The following OPA1 variants were observed in gnomAD, a reference collection of about 807,000 sequenced individuals.
The protein encoded by OPA1 is OPA1 mitochondrial dynamin like GTPase, also known as dynamin-like GTPase OPA1, mitochondrial.
OPA1 carries 59 observed loss-of-function variants against 152.9 expected under a neutral mutation model. That is an observed-to-expected ratio of 0.39 (90% CI 0.31 to 0.48). The LOEUF is 0.48. Among genes scored for constraint, OPA1 ranks in the 20% least tolerant of loss-of-function variants. OPA1 has a pLI of 0.96. For synonymous variants in OPA1, 400 were observed against 389.9 expected (o/e 1.03, Z -0.31); for missense variants, 1,008 against 1,216.8 (o/e 0.83, Z 2.55).
At chr3:193,614,471 A>G (rs190965715) in intron 1 of OPA1, among the ~76,000 whole-genome samples, 1 of 152,236 alleles carries the variant, frequency 6.6e-6, no homozygotes, top group East Asian at 1.9e-4. Flanking sequence ...TTTGCACCAC[A>G]TTTTCCTCAT....
intron 27 of OPA1, among the ~76,000 whole-genome samples, chr3:193,665,900 G>A (rs1716420854): frequency 6.6e-6 from 1 of 152,098 alleles, no homozygotes; most frequent in African/African-American, 2.4e-5. Flanking sequence ...TTTAAAAATG[G>A]CTTGAGTACA....
chr3:193,686,000 A>G (rs1313360562), intron 29 of OPA1, among the ~76,000 whole-genome samples: 2 of 152,192 alleles, frequency 1.3e-5, no homozygotes, highest in South Asian at 2.1e-4. Context: ...AATCATATCA[A>G]ATAATTGCCC....
intron 1 of OPA1, among the ~76,000 whole-genome samples, chr3:193,609,234 G>T (rs1727789168): frequency 6.6e-6 from 1 of 152,140 alleles, no homozygotes; most frequent in Non-Finnish European, 1.5e-5. Flanking sequence ...GTGTGAATTT[G>T]ATCCTGTCAT....
chr3:193,648,593 A>T, intron 20 of OPA1: 1 of 515,590 alleles, frequency 1.9e-6, no homozygotes, highest in Non-Finnish European at 3.5e-6. Flanking sequence ...GAGAAGGTAG[A>T]TATTTATGTC....
chr3:193,604,671 A>AC (rs1726954735), intron 1 of OPA1, among the ~76,000 whole-genome samples: 1 of 151,290 alleles, frequency 6.6e-6, no homozygotes, highest in Non-Finnish European at 1.5e-5. Context: ...GGACAGCCTG[A>AC]CCAACATGGA....
intron 21 of OPA1, among the ~76,000 whole-genome samples, chr3:193,654,205 G>A (rs1387605904): frequency 1.3e-5 from 2 of 152,164 alleles, no homozygotes; most frequent in Non-Finnish European, 2.9e-5. Flanking sequence ...ATAAAAAGAA[G>A]TGAAATATTG....
At chr3:193,611,410 A>G (rs1728216169) in intron 1 of OPA1, among the ~76,000 whole-genome samples, 1 of 152,082 alleles carries the variant, frequency 6.6e-6, no homozygotes. Context: ...CATCCTGGCT[A>G]AGATGGTGAA....
Position 193,645,774 on chromosome 3 carries a change from G to T in OPA1, c.1728G>T (p.Glu576Asp), listed in dbSNP as rs773284755. Reference protein sequence around the residue: ...SIEAIREYEEEFFQNSKLLKT... With the variant: ...SIEAIREYEEDFFQNSKLLKT... Reference sequence around the variant, plus strand: ...AAGCTATAAGAGAATATGAAGAAGAGTTTTTTCAGAATTCAAAGCTCCTAA... The same window carrying T: ...AAGCTATAAGAGAATATGAAGAAGATTTTTTTCAGAATTCAAAGCTCCTAA... Residue 576 changes from glutamate (E) to aspartate (D), a missense_variant, in exon 18 of 31, where the codon GAG (glutamate) becomes GAT (aspartate). By Grantham distance (45) the Glu-to-Asp change is conservative. Transcript: ENST00000361510. 1 of 1,613,394 alleles carries T rather than the reference G, an allele frequency of 6.2e-7. No homozygotes were observed.
Position 193,645,798 on chromosome 3 carries a change from A to G in OPA1, c.1752A>G (p.Leu584=), listed in dbSNP as rs557780821. 6.2e-6 allele frequency: 10 copies of G among 1,606,600 alleles called. No homozygotes were observed. Among genetic ancestry groups the G allele is most frequent in the Middle Eastern group, 1.7e-4 (1 of 6,048 alleles). ...EEEFFQNSKL[L]KTSMLKAHQV... ...AGTTTTTTCAGAATTCAAAGCTCCT[A>G]AAGTAGGTATCTTGTTAAAACATTT... The change falls in exon 18 of 31, where the codon CTA becomes CTG. Residue 584 remains leucine (L), a splice_region_variant and synonymous_variant. Transcript: ENST00000361510.
At chr3:193,603,799 A>C (rs926766381) in intron 1 of OPA1, among the ~76,000 whole-genome samples, 1 of 152,182 alleles carries the variant, frequency 6.6e-6, no homozygotes, top group Non-Finnish European at 1.5e-5. Flanking sequence ...CATAGGACCC[A>C]TCAACAAAAA....
intron 29 of OPA1, among the ~76,000 whole-genome samples, chr3:193,681,410 C>T (rs1720103766): frequency 6.6e-6 from 1 of 152,018 alleles, no homozygotes; most frequent in African/African-American, 2.4e-5. Context: ...ATATCCTACG[C>T]AAAAGATAAA....
rs1722345773 is a variant in OPA1, at chr3:193,697,441, TG to T, written c.*2842del. ...ATTTTTTTAAAACCTTCACATTACG[TG>T]TAGATATTATTGCAACTTATATTTT... is the stretch of plus-strand genomic sequence containing the variant. On this transcript the variant is annotated 3_prime_UTR_variant, in exon 31 of 31. Transcript: ENST00000361510. 1 of 152,352 alleles carries T rather than the reference TG, an allele frequency of 6.6e-6. No homozygotes were observed. The highest frequency in any genetic ancestry group is 2.1e-4 in the South Asian group (1 of 4,830). The allele number at this position is 152,352 out of a possible 1,614,324, so 9.4% of individuals were successfully genotyped here.
chr3:193,633,409 C>T (rs926704911), intron 8 of OPA1, among the ~76,000 whole-genome samples: 1 of 152,092 alleles, frequency 6.6e-6, no homozygotes, highest in African/African-American at 2.4e-5. Flanking sequence ...TGTTTCCATC[C>T]CCAGAAAATG....
At chr3:193,684,380 A>G (rs1019244688) in intron 29 of OPA1, among the ~76,000 whole-genome samples, 4 of 151,566 alleles carry the variant, frequency 2.6e-5, no homozygotes, top group African/African-American at 9.7e-5. Context: ...TTTAGTAAAT[A>G]TCAGGTAGCC....
In OPA1 at chr3:193,630,839, TATAAA is replaced by T. The variant is rs147168695; in HGVS notation, c.790-765_790-761del. Among the ~76,000 whole-genome samples the T allele has an allele frequency of 3.0e-3, 456 of 152,300 alleles. 5 individuals carry two copies. Among genetic ancestry groups the T allele is most frequent in the Admixed American group, 8.1e-3 (124 of 15,300 alleles). ...GTATTGTGACTACTTTAAAACCTGT[TATAAA>T]ATAAAATTGTTTTTTAATATTTTAT... On this transcript the variant is annotated intron_variant, in intron 7 of 30. Transcript: ENST00000361510.
chr3:193,626,460 T>G (rs1371031715), intron 7 of OPA1, among the ~76,000 whole-genome samples: 1 of 152,210 alleles, frequency 6.6e-6, no homozygotes, highest in Non-Finnish European at 1.5e-5. Context: ...GTATTTATAC[T>G]TAGAACAAAA....
rs1033585182 is a variant in OPA1 at position 193,622,619 on chromosome 3, A to G, written c.679-3473A>G. On this transcript the variant is annotated intron_variant, in intron 6 of 30. Transcript: ENST00000361510. Reference sequence around the variant, plus strand: ...TTTAGTGTTCACTCATCTTTATAGCATAGCTCAATTGTCACTTCATGAAGC... The same window carrying G: ...TTTAGTGTTCACTCATCTTTATAGCGTAGCTCAATTGTCACTTCATGAAGC... Among the ~76,000 whole-genome samples, 4 of 152,110 alleles carry G rather than the reference A, an allele frequency of 2.6e-5. No individual in the cohort carries two copies. In the East Asian group the frequency reaches 7.7e-4, roughly 29 times the overall value.
chr3:193,608,448 A>G (rs1727641770), intron 1 of OPA1, among the ~76,000 whole-genome samples: 2 of 152,040 alleles, frequency 1.3e-5, no homozygotes, highest in African/African-American at 4.8e-5. Context: ...TTCTGCCTTC[A>G]TTTCGTTATG....
chr3:193,647,263 TCTTTC>T (rs900702489), intron 19 of OPA1, 83 bp downstream of exon 19: 18 of 847,396 alleles, frequency 2.1e-5, no homozygotes, highest in Middle Eastern at 2.8e-4. Flanking sequence ...ATTCTGTACT[TCTTTC>T]CTTTAACAGT....
Sources: allele counts gnomAD v4.1 joint callset (sites outside exome capture counted in the v4.1 genomes callset), GRCh38; gene constraint gnomAD v4.1.1; transcripts MANE v1.5; gene names NCBI Gene and HGNC (gene_info 2026-07-23, HGNC 2026-07-21).